Variants in EPRS1 observed in about 807,000 individuals in gnomAD.
EPRS1 encodes glutamyl-prolyl-tRNA synthetase 1.
EPRS1 carries 107 observed loss-of-function variants against 188.3 expected under a neutral mutation model. The observed-to-expected ratio is 0.57, with a 90% CI of 0.49 to 0.67. The LOEUF (loss-of-function observed/expected upper bound fraction) is 0.67. Ranked by LOEUF, EPRS1 falls within the 30% of genes least tolerant of loss-of-function variation. The pLI, the probability that EPRS1 is intolerant of heterozygous loss-of-function variation, is 0.00. For missense variants in EPRS1, 1,577 were observed against 1,802.2 expected (o/e 0.88, Z 2.26); for synonymous variants, 596 against 593.1 (o/e 1.00, Z -0.07).
In EPRS1 at chr1:219,997,188, G is replaced by A. The variant is rs770977924; in HGVS notation, c.2336C>T (p.Ala779Val). ...CAAAGACAAAAGCTGTTTTACAGCT[G>A]CATCTACATCTTCCTTTGGTGCTTT... ...AKKAPKEDVD[A>V]AVKQLLSLKA... Residue 779 changes from alanine to valine, a missense_variant, in exon 18 of 32, where the codon GCA (alanine) becomes GTA (valine). This residue lies in a region of EPRS1 where 1,278 missense variants were observed against 1,457.4 expected (regional missense o/e 0.88). Transcript: ENST00000366923. 1 of 1,613,932 alleles carries A rather than the reference G, an allele frequency of 6.2e-7. No homozygotes were observed. The highest frequency in any genetic ancestry group is 1.7e-5 in the Admixed American group (1 of 60,016).
At chr1:219,980,703 A>G in intron 25 of EPRS1, 53 bp downstream of exon 25, 4 of 1,293,494 alleles carry the variant, frequency 3.1e-6, no homozygotes, top group Non-Finnish European at 4.4e-6. Context: ...AAAATTGCAG[A>G]ACCTGAACAA....
intron 12 of EPRS1, among the ~76,000 whole-genome samples, chr1:220,017,503 C>A (rs2577156): frequency 0.81 from 122,862 of 152,162 alleles, 49,732 homozygotes; most frequent in East Asian, 0.93. Context: ...GCAGCAACAG[C>A]AAGAACCAAT....
At position 219,982,787 on chromosome 1, in the gene EPRS1, G is replaced by A; in HGVS notation, c.3358C>T (p.Pro1120Ser). The A allele has an allele frequency of 6.2e-7, 1 of 1,613,982 alleles. No homozygotes were observed. The highest frequency in any genetic ancestry group is 8.5e-7 in the Non-Finnish European group (1 of 1,179,864). ...CTATTCTCACCTGTTTCACTAGTAG[G>A]ACGAATGGCAATTGGTTCTGCCAGC... ...TELAEPIAIR[P>S]TSETVMYPAY... Residue 1120 changes from proline (P) to serine (S), a missense_variant, in exon 23 of 32, where the codon CCT becomes TCT. Transcript: ENST00000366923.
chr1:220,042,147 C>T lies in EPRS1; in HGVS notation c.47-1878G>A, dbSNP rs190366461. 1.3e-4 allele frequency among the ~76,000 whole-genome samples: 18 copies of T among 142,294 alleles called. No homozygotes were observed. In the East Asian group the frequency reaches 3.8e-3, roughly 30 times the overall value. 93.4% of individuals were successfully genotyped at this position (142,294 alleles called of 152,430 possible). ...AGTGAGCCGAGATCACGCCACTGCA[C>T]TCCAGCCTAGGTGGCAGAGCAAGAC... On this transcript the variant is annotated intron_variant, in intron 1 of 31. Transcript: ENST00000366923.
At chr1:219,982,529 C>T in intron 23 of EPRS1, 1 of 324,628 alleles carries the variant, frequency 3.1e-6, no homozygotes, top group East Asian at 5.1e-5. Context: ...TAAAAATTTA[C>T]AGCATAAAAA....
rs1660935774 is a variant in EPRS1, at chr1:219,983,337, G to T, written c.3152C>A (p.Pro1051His). Reference protein sequence around the residue: ...HDISGCYILRPWAYAIWEAIK... With the variant: ...HDISGCYILRHWAYAIWEAIK... Reference sequence around the variant, plus strand: ...GGCTTCCCAAATGGCATAGGCCCAGGGACGAAGAATATAACAGCCACTTAT... The same window carrying T: ...GGCTTCCCAAATGGCATAGGCCCAGTGACGAAGAATATAACAGCCACTTAT... The change falls in exon 22 of 32, where the codon CCC (proline) becomes CAC (histidine). Residue 1051 changes from proline (P) to histidine (H), a missense_variant. Pro to His is a moderately conservative substitution (Grantham distance 77). Around this residue, in one of 3 missense-constraint regions of EPRS1, gnomAD observed 1,278 missense variants for 1,457.4 expected, o/e 0.88. Coordinates refer to ENST00000366923, the MANE Select transcript of EPRS1 (RefSeq NM_004446.3). 3.1e-6 allele frequency: 5 copies of T among 1,613,918 alleles called. No individual in the cohort carries two copies. Among genetic ancestry groups the T allele is most frequent in the Non-Finnish European group, 4.2e-6 (5 of 1,179,884 alleles).
chr1:220,019,541 C>T (rs755342026), intron 10 of EPRS1, among the ~76,000 whole-genome samples: 3 of 152,116 alleles, frequency 2.0e-5, no homozygotes, highest in South Asian at 4.1e-4. Flanking sequence ...ATCTGCAAAC[C>T]TCAGTAAGTA....
Position 220,046,452 on chromosome 1 carries a change from C to G in EPRS1, c.-64G>C. 1.2e-6 allele frequency: 2 copies of G among 1,602,882 alleles called. No individual in the cohort carries two copies. The highest frequency in any genetic ancestry group is 1.7e-6 in the Non-Finnish European group (2 of 1,175,560). ...CTCGTGCCAGAACTACGGAGGACCCCGCGAAAGGAAGAAGATGCAACGTGT... is the reference window on the plus strand; with the variant it reads ...CTCGTGCCAGAACTACGGAGGACCCGGCGAAAGGAAGAAGATGCAACGTGT... On this transcript the variant is annotated 5_prime_UTR_variant, in exon 1 of 32. Coordinates refer to ENST00000366923, the MANE Select transcript of EPRS1 (RefSeq NM_004446.3).
Position 220,006,179 on chromosome 1 carries a change from T to C in EPRS1, c.1877A>G (p.Tyr626Cys), listed in dbSNP as rs1254230643. The change falls in exon 15 of 32, where the codon TAT (tyrosine) becomes TGT (cysteine). Residue 626 changes from tyrosine (Y) to cysteine (C), a missense_variant. Tyr to Cys is a radical substitution (Grantham distance 194). Around this residue, in one of 3 missense-constraint regions of EPRS1, gnomAD observed 1,278 missense variants for 1,457.4 expected, o/e 0.88. Coordinates refer to ENST00000366923, the MANE Select transcript of EPRS1 (RefSeq NM_004446.3). ...ALPIPVICVT[Y>C]EHLITKPVLG... The stretch of plus-strand genomic sequence containing the variant: ...CACTGGCTTTGTGATCAAGTGCTCA[T>C]AAGTGACACAGATTACTGGAATAGG... The C allele has an allele frequency of 6.2e-7, 1 of 1,602,462 alleles. No homozygotes were observed. The highest frequency in any genetic ancestry group is 1.7e-5 in the Admixed American group (1 of 59,024).
rs548889502 is a variant in EPRS1 at position 220,032,364 on chromosome 1, A to G, written c.528+23T>C. Reference sequence around the variant, plus strand: ...GCCTCCCAAAGTGTTTTTTTTTTTAAAAAAAAAGAAAAAAAGGCTTACCAC... The same window carrying G: ...GCCTCCCAAAGTGTTTTTTTTTTTAGAAAAAAAGAAAAAAAGGCTTACCAC... On this transcript the variant is annotated intron_variant, in intron 5 of 31. Coordinates refer to ENST00000366923, the MANE Select transcript of EPRS1 (RefSeq NM_004446.3). 1.5e-5 allele frequency: 24 copies of G among 1,563,478 alleles called. No homozygotes were observed. The South Asian group carries it at 2.8e-4, about 18-fold the overall frequency.
At chr1:219,972,181 G>C in intron 29 of EPRS1, 34 bp from the exon 30 acceptor site, 1 of 1,337,042 alleles carries the variant, frequency 7.5e-7, no homozygotes, top group Non-Finnish European at 1.0e-6. Flanking sequence ...ATACATAATT[G>C]TTCTCACAAA....
At chr1:219,985,343 C>T (rs1239252013) in intron 20 of EPRS1, among the ~76,000 whole-genome samples, 1 of 152,164 alleles carries the variant, frequency 6.6e-6, no homozygotes, top group East Asian at 1.9e-4. Flanking sequence ...TATAAATACA[C>T]ACACATATGT....
At chr1:220,015,794 TAAA>T (rs11325774) in intron 12 of EPRS1, among the ~76,000 whole-genome samples, 8 of 146,986 alleles carry the variant, frequency 5.4e-5, no homozygotes, top group South Asian at 2.2e-4. Flanking sequence ...GAAGGTAATA[TAAA>T]AAAAAAAAAA....
intron 12 of EPRS1, among the ~76,000 whole-genome samples, chr1:220,016,996 C>T (rs1571686562): frequency 6.6e-6 from 1 of 152,062 alleles, no homozygotes; most frequent in African/African-American, 2.4e-5. Flanking sequence ...GGGCGGATCA[C>T]AAGTTCAGGG....
chr1:219,999,919 T>C (rs532196573), intron 17 of EPRS1, among the ~76,000 whole-genome samples: 45 of 152,236 alleles, frequency 3.0e-4, no homozygotes, highest in African/African-American at 1.1e-3. Flanking sequence ...GAGGTTACAC[T>C]GAGCCAAGAT....
intron 18 of EPRS1, among the ~76,000 whole-genome samples, chr1:219,995,348 TA>T (rs1284046527): frequency 6.6e-6 from 1 of 152,184 alleles, no homozygotes; most frequent in Non-Finnish European, 1.5e-5. Flanking sequence ...CACCCATAAT[TA>T]AGCTGACCAA....
chr1:220,010,818 A>C, intron 13 of EPRS1, 128 bp downstream of exon 13: 1 of 600,698 alleles, frequency 1.7e-6, no homozygotes. Flanking sequence ...CAAAAAAAAA[A>C]AAAAAAAGAA....
In EPRS1 at chr1:220,007,262, GA is replaced by G; in HGVS notation, c.1681del (p.Ser561ArgfsTer9). On this transcript the variant is annotated frameshift_variant, in exon 14 of 32. Transcript: ENST00000366923. LOFTEE classifies it high-confidence loss of function. ...FIEGADAETFSEGEMVTFINW... is the reference protein window; with the variant it reads ...FIEGADAETFXEGEMVTFINW... The stretch of plus-strand genomic sequence containing the variant: ...TATAAATGTAACCATCTCACCCTCC[GA>G]AAAAGTCTCTGCATCAGCACCTTCA... 1 of 1,613,714 alleles carries G rather than the reference GA, an allele frequency of 6.2e-7. No individual in the cohort carries two copies. Among genetic ancestry groups the G allele is most frequent in the Non-Finnish European group, 8.5e-7 (1 of 1,179,738 alleles).
intron 18 of EPRS1, among the ~76,000 whole-genome samples, chr1:219,991,712 G>A (rs891773793): frequency 6.6e-6 from 1 of 152,234 alleles, no homozygotes; most frequent in East Asian, 1.9e-4. Context: ...ACAGCACAGG[G>A]TAGAGCCGAG....
Sources: gnomAD v4.1 joint callset for allele counts (sites outside exome capture counted in the v4.1 genomes callset) on GRCh38, gnomAD v4.1.1 for gene constraint, gnomAD v4.1.1 regional missense constraint, MANE v1.5 for transcripts, NCBI Gene and HGNC (gene_info 2026-07-23, HGNC 2026-07-21) for gene names.